Variants in CNTNAP2 observed in about 807,000 individuals in gnomAD.
The protein encoded by CNTNAP2 is contactin associated protein 2, also known as contactin-associated protein-like 2.
CNTNAP2 carries 98 observed loss-of-function variants against 155.2 expected under a neutral mutation model. The ratio of observed to expected loss-of-function variants is 0.63; its 90% confidence interval spans 0.54 to 0.75. The LOEUF (loss-of-function observed/expected upper bound fraction) is 0.75. Among genes scored for constraint, CNTNAP2 ranks in the 30% least tolerant of loss-of-function variants. The pLI is 0.00. For synonymous variants in CNTNAP2, 651 were observed against 631.2 expected (o/e 1.03, Z -0.47); for missense variants, 1,727 against 1,688.1 (o/e 1.02, Z -0.40).
chr7:148,064,357 C>T (rs568133342), intron 15 of CNTNAP2, among the ~76,000 whole-genome samples: 15 of 151,984 alleles, frequency 9.9e-5, no homozygotes, highest in Admixed American at 5.9e-4. Context: ...TACCTATCCA[C>T]AAGGATGAGA....
intron 13 of CNTNAP2, among the ~76,000 whole-genome samples, chr7:147,791,356 T>G (rs1322316353): frequency 6.6e-6 from 1 of 152,138 alleles, no homozygotes; most frequent in South Asian, 2.1e-4. Flanking sequence ...TCCTGTTACT[T>G]ACATGACATA....
intron 13 of CNTNAP2, among the ~76,000 whole-genome samples, chr7:147,865,719 G>C (rs1339894011): frequency 6.6e-6 from 1 of 152,206 alleles, no homozygotes; most frequent in Non-Finnish European, 1.5e-5. Context: ...TTGCGTAGAA[G>C]TGTTTATAGT....
chr7:147,792,637 T>C (rs1468734061), intron 13 of CNTNAP2, among the ~76,000 whole-genome samples: 1 of 152,226 alleles, frequency 6.6e-6, no homozygotes, highest in Non-Finnish European at 1.5e-5. Context: ...CATTTTTGCC[T>C]GTTATTAATA....
chr7:147,925,154 A>AGAAGGAAGGAAGGAAGGGAGGAAG, intron 14 of CNTNAP2, among the ~76,000 whole-genome samples: 1 of 63,310 alleles, frequency 1.6e-5, no homozygotes, highest in Non-Finnish European at 3.2e-5. Context: ...AGAGAGAGAG[A>AGAAGGAAGGAAGGAAGGGAGGAAG]GAAGGAAGGA....
intron 21 of CNTNAP2, among the ~76,000 whole-genome samples, chr7:148,280,140 T>A (rs1036061615): frequency 1.3e-4 from 20 of 151,942 alleles, no homozygotes; most frequent in Admixed American, 5.2e-4. Context: ...GAAATCTGTC[T>A]CTACTAAAAA....
intron 1 of CNTNAP2, among the ~76,000 whole-genome samples, chr7:146,306,264 C>G (rs1007532236): frequency 6.6e-6 from 1 of 151,986 alleles, no homozygotes; most frequent in Non-Finnish European, 1.5e-5. Flanking sequence ...AATAGCCTAC[C>G]AACCAAAAAC....
chr7:146,774,468 A>G (rs1802353108), intron 2 of CNTNAP2, 87 bp downstream of exon 2: 8 of 948,198 alleles, frequency 8.4e-6, no homozygotes, highest in Non-Finnish European at 1.3e-5. Flanking sequence ...TAATCACACA[A>G]CAGATGTTGG....
At chr7:147,673,412 A>G (rs527397903) in intron 13 of CNTNAP2, among the ~76,000 whole-genome samples, 1 of 152,226 alleles carries the variant, frequency 6.6e-6, no homozygotes, top group Non-Finnish European at 1.5e-5. Flanking sequence ...AGCTAAGTAA[A>G]AAATGAGGCT....
At chr7:147,621,678 A>G (rs1794859412) in intron 12 of CNTNAP2, among the ~76,000 whole-genome samples, 1 of 152,036 alleles carries the variant, frequency 6.6e-6, no homozygotes, top group Non-Finnish European at 1.5e-5. Context: ...AAATTATACC[A>G]CCAGAGAAGA....
At chr7:147,870,099 G>C (rs1799302468) in intron 13 of CNTNAP2, among the ~76,000 whole-genome samples, 1 of 152,160 alleles carries the variant, frequency 6.6e-6, no homozygotes, top group Non-Finnish European at 1.5e-5. Flanking sequence ...TGGCAGAATT[G>C]TTGTGTTAGT....
chr7:147,543,492 A>C (rs1222560656), intron 11 of CNTNAP2, among the ~76,000 whole-genome samples: 1 of 152,146 alleles, frequency 6.6e-6, no homozygotes, highest in Non-Finnish European at 1.5e-5. Flanking sequence ...CACCTACCTT[A>C]TACTATTTCT....
intron 3 of CNTNAP2, among the ~76,000 whole-genome samples, chr7:146,952,232 T>C (rs1369652472): frequency 6.6e-6 from 1 of 152,138 alleles, no homozygotes; most frequent in Non-Finnish European, 1.5e-5. Context: ...TTAACACCTC[T>C]TCATGCTAAA....
intron 11 of CNTNAP2, among the ~76,000 whole-genome samples, chr7:147,539,651 A>G (rs1012246636): frequency 5.3e-5 from 8 of 152,168 alleles, no homozygotes; most frequent in East Asian, 1.9e-4. Flanking sequence ...TAGTGACACT[A>G]TCAACTCCCA....
intron 8 of CNTNAP2, among the ~76,000 whole-genome samples, chr7:147,223,936 TC>T (rs1323373650): frequency 9.2e-5 from 9 of 98,226 alleles, no homozygotes; most frequent in Non-Finnish European, 2.0e-5. Flanking sequence ...CAAGACTCAA[TC>T]TCAAAAAAAA....
At chr7:146,119,115 C>T (rs1374068017) in intron 1 of CNTNAP2, among the ~76,000 whole-genome samples, 1 of 151,784 alleles carries the variant, frequency 6.6e-6, no homozygotes, top group Non-Finnish European at 1.5e-5. Context: ...ATAAAACATT[C>T]AAAGGAGAAA....
intron 9 of CNTNAP2, among the ~76,000 whole-genome samples, chr7:147,341,156 T>C (rs1795755441): frequency 6.6e-6 from 1 of 151,710 alleles, no homozygotes; most frequent in African/African-American, 2.4e-5. Flanking sequence ...TCTGCTCCAT[T>C]GCAGCCATGT....
chr7:146,320,131 G>T (rs750095776), intron 1 of CNTNAP2, among the ~76,000 whole-genome samples: 1 of 151,900 alleles, frequency 6.6e-6, no homozygotes, highest in Non-Finnish European at 1.5e-5. Flanking sequence ...TGTTTAAAAT[G>T]TTGATGAGGA....
At chr7:148,105,661 C>T (rs1221802411) in intron 15 of CNTNAP2, among the ~76,000 whole-genome samples, 2 of 151,876 alleles carry the variant, frequency 1.3e-5, no homozygotes, top group African/African-American at 2.4e-5. Context: ...ACTCTTGGCT[C>T]ACCACAACCT....
intron 1 of CNTNAP2, among the ~76,000 whole-genome samples, chr7:146,647,409 C>A (rs905666862): frequency 2.0e-5 from 3 of 151,864 alleles, no homozygotes; most frequent in Non-Finnish European, 4.4e-5. Context: ...TTATAAGAAC[C>A]TTGTCTGAGG....
Sources: gnomAD v4.1 joint callset for allele counts (sites outside exome capture counted in the v4.1 genomes callset) on GRCh38, gnomAD v4.1.1 for gene constraint, MANE v1.5 for transcripts, NCBI Gene and HGNC (gene_info 2026-07-23, HGNC 2026-07-21) for gene names.